HUNK: variants seen among roughly 807,000 people sequenced by gnomAD.
The protein encoded by HUNK is hormonally up-regulated neu tumor-associated kinase.
Under a neutral mutation model 61.0 loss-of-function variants are expected in HUNK, and 21 were observed. The observed-to-expected ratio is 0.34, with a 90% CI of 0.24 to 0.50. The LOEUF is 0.50. Ranked by LOEUF, HUNK falls within the 20% of genes least tolerant of loss-of-function variation. HUNK has a pLI of 0.98. For missense variants in HUNK, 772 were observed against 945.7 expected, an observed-to-expected ratio of 0.82 and a Z score of 2.41; for synonymous variants, 371 against 386.1, an observed-to-expected ratio of 0.96 and a Z score of 0.46.
intron 1 of HUNK, among the ~76,000 whole-genome samples, chr21:31,890,158 A>G (rs1334212418): frequency 6.6e-6 from 1 of 151,978 alleles, no homozygotes; most frequent in South Asian, 2.1e-4. Context: ...ACTTATACAT[A>G]CTTTTTTATT....
At chr21:31,978,307 C>A (rs2053065285) in intron 7 of HUNK, among the ~76,000 whole-genome samples, 1 of 152,284 alleles carries the variant, frequency 6.6e-6, no homozygotes, top group Non-Finnish European at 1.5e-5. Context: ...TGTAACCACA[C>A]AAATTTATCA....
chr21:31,883,989 C>T (rs1378877751), intron 1 of HUNK, among the ~76,000 whole-genome samples: 2 of 152,158 alleles, frequency 1.3e-5, no homozygotes, highest in African/African-American at 4.8e-5. Context: ...CTTACCATGC[C>T]TGGATTGCAA....
At chr21:31,996,903 A>T (rs8133370) in intron 10 of HUNK, among the ~76,000 whole-genome samples, 94,657 of 152,062 alleles carry the variant, frequency 0.62, 29,494 homozygotes, top group South Asian at 0.72. Context: ...CAGAGCATGC[A>T]GTGGATCGGG....
chr21:31,996,439 T>C (rs4816414), intron 10 of HUNK, among the ~76,000 whole-genome samples: 94,638 of 152,018 alleles, frequency 0.62, 29,490 homozygotes, highest in South Asian at 0.72. Flanking sequence ...TCCCACCTGT[T>C]GGAGCTGTTG....
At chr21:31,965,719 C>T (rs763900909) in intron 5 of HUNK, among the ~76,000 whole-genome samples, 18 of 151,424 alleles carry the variant, frequency 1.2e-4, no homozygotes, top group East Asian at 1.9e-4. Context: ...CTACCACCTC[C>T]GCCTCCCGAG....
At chr21:31,985,249 A>T (rs991361484) in intron 8 of HUNK, among the ~76,000 whole-genome samples, 31 of 152,320 alleles carry the variant, frequency 2.0e-4, no homozygotes, top group South Asian at 8.3e-4. Flanking sequence ...CAGTGAGGTC[A>T]CTGAGCCTGG....
intron 1 of HUNK, among the ~76,000 whole-genome samples, chr21:31,910,615 A>G (rs1460666329): frequency 2.0e-5 from 3 of 151,882 alleles, no homozygotes; most frequent in Admixed American, 6.6e-5. Context: ...CAGCCTCCCA[A>G]GTAGCTGGGA....
chr21:31,881,876 C>T (rs1267872661), intron 1 of HUNK, among the ~76,000 whole-genome samples: 2 of 152,148 alleles, frequency 1.3e-5, no homozygotes, highest in Non-Finnish European at 2.9e-5. Context: ...ATTTTCTGGC[C>T]TCACATTTCT....
intron 5 of HUNK, among the ~76,000 whole-genome samples, chr21:31,965,594 C>CTTTTTTTTTTTTTTTTT (rs71193162): frequency 3.1e-5 from 4 of 127,480 alleles, no homozygotes; most frequent in Non-Finnish European, 6.5e-5. Context: ...CTTTGTTTTT[C>CTTTTTTTTTTTTTTTTT]TTTTTTTTTT....
At chr21:31,896,390 TG>T (rs1208967007) in intron 1 of HUNK, among the ~76,000 whole-genome samples, 3 of 152,198 alleles carry the variant, frequency 2.0e-5, no homozygotes. Flanking sequence ...GGAAGGAACC[TG>T]GGGTTTCTCT....
chr21:31,876,553 C>T (rs1487487417), intron 1 of HUNK, among the ~76,000 whole-genome samples: 1 of 152,158 alleles, frequency 6.6e-6, no homozygotes, highest in Non-Finnish European at 1.5e-5. Flanking sequence ...TATTGCCTAA[C>T]TAAGGCCAAA....
At chr21:31,986,207 G>A (rs562647806) in intron 8 of HUNK, among the ~76,000 whole-genome samples, 22 of 145,122 alleles carry the variant, frequency 1.5e-4, no homozygotes, top group Non-Finnish European at 3.2e-4. Flanking sequence ...TCCCCCCGCC[G>A]CCCTCCGCCC....
intron 4 of HUNK, among the ~76,000 whole-genome samples, chr21:31,952,300 T>C (rs529103561): frequency 2.0e-5 from 3 of 152,118 alleles, no homozygotes; most frequent in African/African-American, 7.2e-5. Flanking sequence ...TGCTTTCAGG[T>C]GGAAGTTATT....
chr21:31,915,054 A>AT (rs5843533), intron 1 of HUNK, among the ~76,000 whole-genome samples: 4 of 146,658 alleles, frequency 2.7e-5, no homozygotes, highest in Non-Finnish European at 4.5e-5. Flanking sequence ...TAGATTTGGG[A>AT]TTTTTTTTTT....
At position 31,999,240 on chromosome 21, in the gene HUNK, A is replaced by C; in HGVS notation, c.*56A>C. On this transcript the variant is annotated 3_prime_UTR_variant, in exon 11 of 11. Coordinates refer to ENST00000270112, the MANE Select transcript of HUNK (RefSeq NM_014586.2). ...GAAAACAGCAACTGAACAGAGCTCC[A>C]CACATCTGTCAGGGTGTGAGCACTC... 1.1e-5 allele frequency: 16 copies of C among 1,466,188 alleles called. No homozygotes were observed. Among genetic ancestry groups the C allele is most frequent in the Non-Finnish European group, 1.4e-5 (15 of 1,078,440 alleles). 90.8% of individuals were successfully genotyped at this position (1,466,188 alleles called of 1,614,324 possible).
At chr21:31,884,769 C>T (rs969703935) in intron 1 of HUNK, among the ~76,000 whole-genome samples, 5 of 151,762 alleles carry the variant, frequency 3.3e-5, no homozygotes, top group African/African-American at 7.3e-5. Flanking sequence ...GAGAAAGACA[C>T]GTCTCTTCTT....
intron 5 of HUNK, among the ~76,000 whole-genome samples, chr21:31,961,707 A>G (rs758517952): frequency 7.2e-5 from 11 of 152,302 alleles, no homozygotes; most frequent in African/African-American, 9.6e-5. Context: ...CATCTCTCAG[A>G]GTGATTCCAA....
chr21:31,906,188 C>T (rs1470131542), intron 1 of HUNK, among the ~76,000 whole-genome samples: 1 of 152,168 alleles, frequency 6.6e-6, no homozygotes, highest in Non-Finnish European at 1.5e-5. Context: ...CAAGCACTTT[C>T]CATTATTTAC....
chr21:31,993,727 C>G (rs1320945239), intron 9 of HUNK, among the ~76,000 whole-genome samples: 1 of 152,118 alleles, frequency 6.6e-6, no homozygotes, highest in Non-Finnish European at 1.5e-5. Context: ...GTTGGTGTGT[C>G]ATGCACACAA....
Sources: gnomAD v4.1 joint callset for allele counts (sites outside exome capture counted in the v4.1 genomes callset) on GRCh38, gnomAD v4.1.1 for gene constraint, MANE v1.5 for transcripts, NCBI Gene and HGNC (gene_info 2026-07-23, HGNC 2026-07-21) for gene names.